The following KIAA0586 variants were observed in gnomAD, a reference collection of about 807,000 sequenced individuals.
The protein encoded by KIAA0586 is protein TALPID3.
In KIAA0586, 144 loss-of-function variants were observed where a neutral mutation model predicts 169.8. That is an observed-to-expected ratio of 0.85 (90% CI 0.74 to 0.97). The LOEUF (loss-of-function observed/expected upper bound fraction) is 0.97. Ranked by LOEUF, KIAA0586 falls within the 50% of genes least tolerant of loss-of-function variation. The pLI is 0.00. For synonymous variants in KIAA0586, 625 were observed against 612.4 expected (o/e 1.02, Z -0.30); for missense variants, 1,854 against 1,823.0 (o/e 1.02, Z -0.31).
At chr14:58,475,144 CTG>C (rs979061679) in intron 19 of KIAA0586, among the ~76,000 whole-genome samples, 10 of 152,212 alleles carry the variant, frequency 6.6e-5, no homozygotes, top group Non-Finnish European at 1.5e-4. Context: ...CAGTACCAGT[CTG>C]TGGCCTGTTA....
At chr14:58,537,389 G>T (rs985475048) in intron 29 of KIAA0586, among the ~76,000 whole-genome samples, 4 of 152,098 alleles carry the variant, frequency 2.6e-5, no homozygotes, top group African/African-American at 9.7e-5. Flanking sequence ...TAAGATCCTT[G>T]ATCAACTCAA....
intron 29 of KIAA0586, among the ~76,000 whole-genome samples, chr14:58,529,070 T>C (rs977525043): frequency 2.0e-5 from 3 of 152,112 alleles, no homozygotes; most frequent in African/African-American, 2.4e-5. Flanking sequence ...GAGAATACTA[T>C]AAACACCTCT....
intron 30 of KIAA0586, among the ~76,000 whole-genome samples, chr14:58,542,412 G>C (rs1389935955): frequency 1.3e-5 from 2 of 151,974 alleles, no homozygotes; most frequent in Non-Finnish European, 2.9e-5. Context: ...GGGAGGTGGA[G>C]GTTGCAGTGA....
chr14:58,516,977 A>T (rs1371080393), intron 29 of KIAA0586, among the ~76,000 whole-genome samples: 3 of 152,170 alleles, frequency 2.0e-5, no homozygotes, highest in Non-Finnish European at 4.4e-5. Flanking sequence ...TTTCACCAAC[A>T]CACAAAAATG....
At chr14:58,479,531 ATTTATCAGG>A (rs779437883) in intron 20 of KIAA0586, among the ~76,000 whole-genome samples, 2 of 152,110 alleles carry the variant, frequency 1.3e-5, no homozygotes, top group Non-Finnish European at 2.9e-5. Context: ...AAGAAGTCTA[ATTTATCAGG>A]TTTTTTCTAG....
chr14:58,468,866 A>G (rs1399625358), intron 16 of KIAA0586, among the ~76,000 whole-genome samples: 1 of 152,198 alleles, frequency 6.6e-6, no homozygotes, highest in Non-Finnish European at 1.5e-5. Context: ...AGACTGCTCC[A>G]AGGTTCCTCT....
At chr14:58,530,249 GA>G (rs2045872478) in intron 29 of KIAA0586, among the ~76,000 whole-genome samples, 1 of 152,138 alleles carries the variant, frequency 6.6e-6, no homozygotes, top group African/African-American at 2.4e-5. Flanking sequence ...TCAATATTGT[GA>G]AAAAGACCAT....
intron 29 of KIAA0586, among the ~76,000 whole-genome samples, chr14:58,523,211 C>A (rs2045345680): frequency 1.3e-5 from 2 of 152,074 alleles, no homozygotes; most frequent in Admixed American, 1.3e-4. Flanking sequence ...CTTGTTGGTA[C>A]TAAAAGTAAT....
intron 19 of KIAA0586, among the ~76,000 whole-genome samples, chr14:58,476,616 C>A (rs2041644004): frequency 6.7e-6 from 1 of 150,340 alleles, no homozygotes. Flanking sequence ...ATTTCATAAA[C>A]TATCTCCCAC....
At chr14:58,466,084 G>T (rs2040748201) in intron 15 of KIAA0586, 55 bp downstream of exon 15, 9 of 1,329,066 alleles carry the variant, frequency 6.8e-6, no homozygotes, top group Non-Finnish European at 9.4e-6. Flanking sequence ...TTATTTGTTT[G>T]TTTGTGTGTT....
At chr14:58,456,034 G>A (rs916084749) in intron 9 of KIAA0586, among the ~76,000 whole-genome samples, 2 of 152,128 alleles carry the variant, frequency 1.3e-5, no homozygotes, top group African/African-American at 4.8e-5. Context: ...AATTGCCACC[G>A]TTTTTTGAAA....
intron 29 of KIAA0586, among the ~76,000 whole-genome samples, chr14:58,528,174 C>A (rs1454152607): frequency 1.3e-5 from 2 of 152,178 alleles, no homozygotes; most frequent in African/African-American, 4.8e-5. Flanking sequence ...TATATATGCA[C>A]CCAATACAGG....
intron 30 of KIAA0586, among the ~76,000 whole-genome samples, chr14:58,544,243 C>T (rs2046844407): frequency 6.6e-6 from 1 of 152,074 alleles, no homozygotes; most frequent in African/African-American, 2.4e-5. Flanking sequence ...TATACATGTA[C>T]CACAGTTTCT....
In KIAA0586 at chr14:58,508,437, A is replaced by G. The variant is rs917449684; in HGVS notation, c.4169-118A>G. ...GTCCAGGTGTTTTTGTTTGAAGTAC[A>G]CTGCTAGTTCTAATTCAGCAGGTGA... is the stretch of plus-strand genomic sequence containing the variant. On this transcript the variant is annotated intron_variant, in intron 27 of 30. Coordinates refer to ENST00000652326, the MANE Select transcript of KIAA0586 (RefSeq NM_001329943.3). The G allele has an allele frequency of 7.9e-6, 6 of 763,196 alleles. No homozygotes were observed. The Admixed American group carries it at 1.2e-4, about 15-fold the overall frequency. The allele number at this position is 763,196 out of a possible 1,614,324, so 47.3% of individuals were successfully genotyped here. A position where few individuals can be genotyped will look rare whatever the true frequency, so the allele number is the denominator to read the frequency against.
At chr14:58,543,280 A>G (rs1379153296) in intron 30 of KIAA0586, among the ~76,000 whole-genome samples, 1 of 151,810 alleles carries the variant, frequency 6.6e-6, no homozygotes, top group Non-Finnish European at 1.5e-5. Flanking sequence ...ATTTTTCTTT[A>G]TAGTACTTAG....
At position 58,470,636 on chromosome 14, in the gene KIAA0586, CAGCATTTCAAATAGT is replaced by C. The variant is rs750244824; in HGVS notation, c.2469_2483del (p.Ile824_Ser828del). Reference sequence around the variant, plus strand: ...AGGTATTACCCAGTGTAGATATTGACAGCATTTCAAATAGTAGTGCTGATGTCCTTTCACCTCTGT... The same window carrying C: ...AGGTATTACCCAGTGTAGATATTGACAGTGCTGATGTCCTTTCACCTCTGT... On this transcript the variant is annotated inframe_deletion, in exon 17 of 31. Transcript: ENST00000652326. 1.0e-5 allele frequency: 16 copies of C among 1,602,410 alleles called. No individual in the cohort carries two copies. In the East Asian group the frequency reaches 3.4e-4, roughly 34 times the overall value.
chr14:58,436,038 ATGTTTATTGGAAACCTGCAGTCAATACCC>A (rs1260803717), intron 4 of KIAA0586, among the ~76,000 whole-genome samples: 11 of 152,176 alleles, frequency 7.2e-5, no homozygotes, highest in Non-Finnish European at 1.6e-4. Flanking sequence ...ATGAAGGACA[ATGTTTATTGGAAACCTGCAGTCAATACCC>A]TGTTTAACAG....
At position 58,462,313 on chromosome 14, in the gene KIAA0586, T is replaced by G. The variant is rs536398233; in HGVS notation, c.2059+1153T>G. Among the ~76,000 whole-genome samples, 170 of 151,428 alleles carry G rather than the reference T, an allele frequency of 1.1e-3. 1 individual carries two copies. Among genetic ancestry groups the G allele is most frequent in the Non-Finnish European group, 2.0e-3 (134 of 67,866 alleles). On this transcript the variant is annotated intron_variant, in intron 14 of 30. Transcript: ENST00000652326. Reference sequence around the variant, plus strand: ...TCCAGGCTGGAGTGCAGTGGCACAGTCTTGGCTCACTGCAACCTCCACCTC... The same window carrying G: ...TCCAGGCTGGAGTGCAGTGGCACAGGCTTGGCTCACTGCAACCTCCACCTC...
chr14:58,456,965 A>G (rs2039915501), intron 10 of KIAA0586, among the ~76,000 whole-genome samples, 155 bp downstream of exon 10: 1 of 152,250 alleles, frequency 6.6e-6, no homozygotes, highest in Non-Finnish European at 1.5e-5. Context: ...AAGTATTTCC[A>G]GAGGCCTTCA....
Sources: gnomAD v4.1 joint callset for allele counts (sites outside exome capture counted in the v4.1 genomes callset) on GRCh38, gnomAD v4.1.1 for gene constraint, MANE v1.5 for transcripts, NCBI Gene and HGNC (gene_info 2026-07-23, HGNC 2026-07-21) for gene names.